The following GLRB variants were observed in gnomAD, a reference collection of about 807,000 sequenced individuals.
GLRB encodes glycine receptor subunit beta.
GLRB carries 33 observed loss-of-function variants against 54.2 expected under a neutral mutation model. That is an observed-to-expected ratio of 0.61 (90% CI 0.46 to 0.81). The LOEUF (loss-of-function observed/expected upper bound fraction) is 0.81. GLRB is among the 40% of genes least tolerant of loss of function. The pLI is 0.00. For missense variants in GLRB, 572 were observed against 584.6 expected, an observed-to-expected ratio of 0.98 and a Z score of 0.22; for synonymous variants, 209 against 208.2, an observed-to-expected ratio of 1.00 and a Z score of -0.03.
intron 2 of GLRB, among the ~76,000 whole-genome samples, chr4:157,109,495 G>T (rs1255226250): frequency 6.6e-6 from 1 of 151,960 alleles, no homozygotes; most frequent in African/African-American, 2.4e-5. Context: ...TCTGACAACA[G>T]ATGTGTGTGT....
chr4:157,113,859 G>T (rs375191862), intron 2 of GLRB, among the ~76,000 whole-genome samples: 1 of 151,804 alleles, frequency 6.6e-6, no homozygotes, highest in South Asian at 2.1e-4. Context: ...CATGTAAAAG[G>T]TATCACTCAC....
chr4:157,145,842 C>T (rs1373382633), intron 8 of GLRB, among the ~76,000 whole-genome samples: 1 of 151,958 alleles, frequency 6.6e-6, no homozygotes, highest in Non-Finnish European at 1.5e-5. Flanking sequence ...GTGGGCCAGA[C>T]AGTGATCATC....
At chr4:157,169,311 C>G (rs1737830701) in intron 9 of GLRB, among the ~76,000 whole-genome samples, 1 of 152,014 alleles carries the variant, frequency 6.6e-6, no homozygotes, top group South Asian at 2.1e-4. Flanking sequence ...GAAAATGAAG[C>G]AATCTAGCCA....
intron 2 of GLRB, among the ~76,000 whole-genome samples, chr4:157,114,866 G>A (rs1294673581): frequency 1.3e-5 from 2 of 151,686 alleles, no homozygotes; most frequent in Non-Finnish European, 2.9e-5. Context: ...ACTTATCACG[G>A]TTGAGGTTAA....
At chr4:157,124,155 C>A (rs1397076951) in intron 4 of GLRB, among the ~76,000 whole-genome samples, 1 of 151,528 alleles carries the variant, frequency 6.6e-6, no homozygotes, top group African/African-American at 2.4e-5. Flanking sequence ...TTTCTAATAT[C>A]CTCTCACTCA....
chr4:157,145,742 G>A (rs1362784200), intron 8 of GLRB, among the ~76,000 whole-genome samples: 1 of 152,126 alleles, frequency 6.6e-6, no homozygotes, highest in African/African-American at 2.4e-5. Flanking sequence ...TTTGGAGGTA[G>A]CAAACTGCTT....
intron 2 of GLRB, among the ~76,000 whole-genome samples, chr4:157,095,447 T>A (rs576107713): frequency 1.3e-5 from 2 of 152,216 alleles, no homozygotes; most frequent in East Asian, 3.9e-4. Flanking sequence ...GGAGAAAATA[T>A]CCAATAAGCT....
chr4:157,109,049 C>G (rs759866287), intron 2 of GLRB, among the ~76,000 whole-genome samples: 5 of 152,058 alleles, frequency 3.3e-5, no homozygotes, highest in Admixed American at 2.0e-4. Flanking sequence ...TTATTTAATA[C>G]ATAATGCTAT....
intron 2 of GLRB, among the ~76,000 whole-genome samples, chr4:157,104,745 C>G (rs1045598799): frequency 6.6e-6 from 1 of 151,876 alleles, no homozygotes; most frequent in African/African-American, 2.4e-5. Context: ...AGTTAGAAGT[C>G]TGTTCAGCTT....
In GLRB at chr4:157,132,625, C is replaced by T. The variant is rs529411381; in HGVS notation, c.298-3844C>T. Among the ~76,000 whole-genome samples, 12 of 151,872 alleles carry T rather than the reference C, an allele frequency of 7.9e-5. No individual in the cohort carries two copies. The East Asian group carries it at 2.3e-3, about 30-fold the overall frequency. On this transcript the variant is annotated intron_variant, in intron 4 of 9. Transcript: ENST00000264428. The stretch of plus-strand genomic sequence containing the variant: ...TTCTTACATCCCTTAGGGTCTTTAC[C>T]AATTGTTTCATGACTTGTTTAATCA...
At chr4:157,093,160 T>TA (rs75198383) in intron 2 of GLRB, among the ~76,000 whole-genome samples, 25,758 of 151,472 alleles carry the variant, frequency 0.17, 2,287 homozygotes, top group East Asian at 0.28. Flanking sequence ...TTAAAGTTTA[T>TA]TAAAGTTCTT....
At chr4:157,119,988 G>A (rs1735745889) in intron 2 of GLRB, among the ~76,000 whole-genome samples, 1 of 151,676 alleles carries the variant, frequency 6.6e-6, no homozygotes, top group African/African-American at 2.4e-5. Flanking sequence ...CAACCCAAAT[G>A]TCCAACAATG....
intron 7 of GLRB, among the ~76,000 whole-genome samples, chr4:157,142,623 T>C (rs899539602): frequency 1.3e-5 from 2 of 152,154 alleles, no homozygotes; most frequent in Admixed American, 6.6e-5. Context: ...GTGTTAGATA[T>C]ATGTATATTC....
intron 2 of GLRB, among the ~76,000 whole-genome samples, chr4:157,106,165 C>T (rs769529306): frequency 3.3e-5 from 5 of 151,982 alleles, no homozygotes; most frequent in Non-Finnish European, 7.4e-5. Flanking sequence ...GTAGAGTACT[C>T]TTGGGTGAGT....
chr4:157,125,732 A>G (rs931078856), intron 4 of GLRB, among the ~76,000 whole-genome samples: 1 of 151,712 alleles, frequency 6.6e-6, no homozygotes, highest in Admixed American at 6.6e-5. Context: ...TCAGGAGTAT[A>G]AGACCAGCCT....
intron 2 of GLRB, among the ~76,000 whole-genome samples, chr4:157,102,317 A>T (rs894118403): frequency 1.7e-4 from 26 of 152,186 alleles, no homozygotes; most frequent in African/African-American, 6.3e-4. Context: ...TTAAAACATT[A>T]TACCTCTTCA....
chr4:157,097,827 C>T (rs955931786), intron 2 of GLRB, among the ~76,000 whole-genome samples: 3 of 152,106 alleles, frequency 2.0e-5, no homozygotes, highest in African/African-American at 7.2e-5. Context: ...TCGAGACCAG[C>T]CTGGCCACAA....
At chr4:157,079,174 G>A (rs552503610) in intron 2 of GLRB, among the ~76,000 whole-genome samples, 26 of 152,076 alleles carry the variant, frequency 1.7e-4, no homozygotes, top group Non-Finnish European at 2.9e-4. Context: ...AAAATATAAC[G>A]TGCTTTTAGG....
intron 3 of GLRB, 136 bp from the exon 4 acceptor site, chr4:157,122,194 A>C: frequency 2.1e-6 from 1 of 472,974 alleles, no homozygotes; most frequent in Admixed American, 3.7e-5. Context: ...AACATGTTAT[A>C]CTGAGACCAT....
Sources: gnomAD v4.1 joint callset for allele counts (sites outside exome capture counted in the v4.1 genomes callset) on GRCh38, gnomAD v4.1.1 for gene constraint, MANE v1.5 for transcripts, NCBI Gene and HGNC (gene_info 2026-07-23, HGNC 2026-07-21) for gene names.